The following ADARB1 variants were observed in gnomAD, a reference collection of about 807,000 sequenced individuals.
ADARB1 encodes the protein adenosine deaminase RNA specific B1.
Under a neutral mutation model 52.4 loss-of-function variants are expected in ADARB1, and 10 were observed. The observed-to-expected ratio is 0.19, with a 90% CI of 0.12 to 0.32. The LOEUF (loss-of-function observed/expected upper bound fraction) is 0.32. Ranked by LOEUF, ADARB1 falls within the 10% of genes least tolerant of loss-of-function variation. The pLI is 1.00. For missense variants in ADARB1, 643 were observed against 922.3 expected, an observed-to-expected ratio of 0.70 and a Z score of 3.92; for synonymous variants, 349 against 371.1, an observed-to-expected ratio of 0.94 and a Z score of 0.68.
intron 9 of ADARB1, among the ~76,000 whole-genome samples, chr21:45,209,041 G>C (rs979757482): frequency 6.6e-6 from 1 of 152,032 alleles, no homozygotes; most frequent in African/African-American, 2.4e-5. Context: ...TCTGACCAGT[G>C]GTTACCCCAA....
intron 8 of ADARB1, among the ~76,000 whole-genome samples, chr21:45,186,144 A>G (rs1266767507): frequency 6.6e-6 from 1 of 152,330 alleles, no homozygotes; most frequent in Non-Finnish European, 1.5e-5. Context: ...AAAATACACA[A>G]TAGAATTATT....
At position 45,223,164 on chromosome 21, in the gene ADARB1, C is replaced by T. The variant is rs1403434702; in HGVS notation, c.*967C>T. On this transcript the variant is annotated 3_prime_UTR_variant, in exon 11 of 11. Transcript: ENST00000348831. ...ATGGATGTGGGTGACCGCCCGAAGG[C>T]CTTCACAGGATGGAAGTAGAATGAT... 1 of 985,336 alleles carries T rather than the reference C, an allele frequency of 1.0e-6. No individual in the cohort carries two copies. Among genetic ancestry groups the T allele is most frequent in the Non-Finnish European group, 1.2e-6 (1 of 829,960 alleles). The allele number at this position is 985,336 out of a possible 1,614,324, so 61.0% of individuals were successfully genotyped here.
intron 2 of ADARB1, chr21:45,152,796 A>G (rs2090364297): frequency 5.4e-6 from 1 of 184,280 alleles, no homozygotes; most frequent in Non-Finnish European, 1.2e-5. Context: ...GGCTTTGTGA[A>G]TTAATCTTGC....
chr21:45,104,855 G>A (rs556607265), intron 1 of ADARB1, among the ~76,000 whole-genome samples: 1 of 152,316 alleles, frequency 6.6e-6, no homozygotes, highest in Non-Finnish European at 1.5e-5. Context: ...TGGCTACAAG[G>A]GGTCTAGATG....
chr21:45,183,508 A>T lies in ADARB1; in HGVS notation c.1394A>T (p.Glu465Val). ...RIFSPHEPILEEPADRHPNRK... is the reference protein window; with the variant it reads ...RIFSPHEPILVEPADRHPNRK... ...TTCTCACCACATGAGCCAATCCTGG[A>T]AGGTATGAGACGAGATTCTTCAACA... The change falls in exon 7 of 11, where the codon GAA becomes GTA. Residue 465 changes from glutamate to valine, a missense_variant and splice_region_variant. Coordinates refer to ENST00000348831, the MANE Select transcript of ADARB1 (RefSeq NM_001112.4). 6.2e-7 allele frequency: 1 copy of T among 1,612,236 alleles called. No homozygotes were observed.
intron 2 of ADARB1, among the ~76,000 whole-genome samples, chr21:45,162,000 G>C (rs1242261435): frequency 6.6e-6 from 1 of 152,172 alleles, no homozygotes; most frequent in African/African-American, 2.4e-5. Flanking sequence ...CATTCTTCCT[G>C]GACATGGGAG....
At chr21:45,170,643 A>G (rs998287718) in intron 2 of ADARB1, among the ~76,000 whole-genome samples, 1 of 151,950 alleles carries the variant, frequency 6.6e-6, no homozygotes, top group Admixed American at 6.6e-5. Flanking sequence ...ATGTTTTAGT[A>G]CATTTTAGTC....
intron 2 of ADARB1, chr21:45,132,413 A>G (rs1384010458): frequency 1.3e-5 from 2 of 152,200 alleles, no homozygotes; most frequent in African/African-American, 4.8e-5. Context: ...TTGTTCTTCT[A>G]CCCTGGAACT....
intron 3 of ADARB1, among the ~76,000 whole-genome samples, chr21:45,174,799 T>C (rs1181781056): frequency 3.3e-5 from 5 of 152,218 alleles, no homozygotes; most frequent in African/African-American, 1.2e-4. Context: ...AATTCTAAAA[T>C]TGTCTGTATT....
At chr21:45,158,848 T>A (rs1463965849) in intron 2 of ADARB1, among the ~76,000 whole-genome samples, 4 of 152,192 alleles carry the variant, frequency 2.6e-5, no homozygotes, top group African/African-American at 9.7e-5. Flanking sequence ...TTGACGGTGG[T>A]TGCAGATAAG....
At chr21:45,118,724 G>C (rs963924699) in intron 1 of ADARB1, 5 of 152,014 alleles carry the variant, frequency 3.3e-5, no homozygotes, top group African/African-American at 1.2e-4. Flanking sequence ...TCCAGCCCGC[G>C]TGCCCATATT....
chr21:45,152,760 A>G (rs930848999), intron 2 of ADARB1: 7 of 290,716 alleles, frequency 2.4e-5, no homozygotes, highest in African/African-American at 1.3e-4. Flanking sequence ...CTTTAATGCA[A>G]TACAGAAGTG....
chr21:45,111,157 A>C (rs544240544), intron 1 of ADARB1, among the ~76,000 whole-genome samples: 1 of 152,332 alleles, frequency 6.6e-6, no homozygotes, highest in African/African-American at 2.4e-5. Flanking sequence ...GGAGCGCTGC[A>C]GTCCCTGAAG....
At chr21:45,198,554 TAGAA>T (rs1202960135) in intron 8 of ADARB1, among the ~76,000 whole-genome samples, 1 of 148,398 alleles carries the variant, frequency 6.7e-6, no homozygotes, top group Non-Finnish European at 1.5e-5. Context: ...ATTAAGAAAA[TAGAA>T]GGAAGGAGAG....
At chr21:45,141,204 A>G (rs556123206) in intron 2 of ADARB1, among the ~76,000 whole-genome samples, 4 of 152,338 alleles carry the variant, frequency 2.6e-5, no homozygotes, top group African/African-American at 9.6e-5. Context: ...TCAAAAAAAA[A>G]AGTTGTGACT....
At chr21:45,196,325 A>C (rs2146297658) in intron 8 of ADARB1, among the ~76,000 whole-genome samples, 1 of 152,272 alleles carries the variant, frequency 6.6e-6, no homozygotes, top group Admixed American at 6.5e-5. Context: ...AAATCAAGCA[A>C]CCAAACAAAT....
chr21:45,074,596 C>CGGCGGCGGCGGCGGCG lies in ADARB1; in HGVS notation c.-416_-415insGCGGCGGCGGCGGCGG, dbSNP rs1568982717. The CGGCGGCGGCGGCGGCG allele has an allele frequency of 1.6e-5, 2 of 125,030 alleles. No individual in the cohort carries two copies. The highest frequency in any genetic ancestry group is 2.9e-4 in the East Asian group (1 of 3,432). The allele number at this position is 125,030 out of a possible 1,614,324, so 7.7% of individuals were successfully genotyped here. A position where few individuals can be genotyped will look rare whatever the true frequency, so the allele number is the denominator to read the frequency against. ...GGCGGGGCTGAGGCGCTGAGGCGGC[C>CGGCGGCGGCGGCGGCG]GTGGCGGCGGCGGCGGCGGCGGCGG... On this transcript the variant is annotated 5_prime_UTR_variant, in exon 1 of 11. Coordinates refer to ENST00000348831, the MANE Select transcript of ADARB1 (RefSeq NM_001112.4).
intron 1 of ADARB1, among the ~76,000 whole-genome samples, chr21:45,126,383 C>A (rs1215549363): frequency 1.3e-5 from 2 of 152,114 alleles, no homozygotes; most frequent in Admixed American, 6.5e-5. Context: ...TTTTTTCAGC[C>A]GCTGTCTGCT....
intron 1 of ADARB1, among the ~76,000 whole-genome samples, chr21:45,083,304 C>T (rs1568991417): frequency 6.6e-6 from 1 of 152,238 alleles, no homozygotes. Context: ...CCTCCCTACA[C>T]TGCCCCCCCA....
Sources: gnomAD v4.1 joint callset for allele counts (sites outside exome capture counted in the v4.1 genomes callset) on GRCh38, gnomAD v4.1.1 for gene constraint, MANE v1.5 for transcripts, NCBI Gene and HGNC (gene_info 2026-07-23, HGNC 2026-07-21) for gene names.